The following CYSTM1 variants were observed in gnomAD, a reference collection of about 807,000 sequenced individuals.
CYSTM1 encodes cysteine rich transmembrane module containing 1.
A neutral mutation model predicts 13.1 loss-of-function variants in CYSTM1; 4 were observed. The observed-to-expected ratio is 0.31, with a 90% CI of 0.15 to 0.70. The LOEUF (loss-of-function observed/expected upper bound fraction) is 0.70, where lower values mean the gene tolerates loss of function less well. Ranked by LOEUF, CYSTM1 falls within the 30% of genes least tolerant of loss-of-function variation. The pLI is 0.72. For missense variants in CYSTM1, 96 were observed against 121.6 expected, an observed-to-expected ratio of 0.79 and a Z score of 0.99; for synonymous variants, 36 against 42.7, an observed-to-expected ratio of 0.84 and a Z score of 0.62.
At chr5:140,182,391 A>G (rs1384535293) in intron 1 of CYSTM1, among the ~76,000 whole-genome samples, 1 of 152,168 alleles carries the variant, frequency 6.6e-6, no homozygotes, top group African/African-American at 2.4e-5. Flanking sequence ...CAGAATGAAG[A>G]ATCTAGGAGG....
intron 2 of CYSTM1, among the ~76,000 whole-genome samples, chr5:140,198,913 G>A (rs112001991): frequency 1.3e-5 from 2 of 152,136 alleles, no homozygotes; most frequent in African/African-American, 4.8e-5. Context: ...TGCTGCACCC[G>A]TCATCTACAT....
Position 140,238,838 on chromosome 5 carries a change from C to T in CYSTM1, c.188-4467C>T, listed in dbSNP as rs569074554. Among the ~76,000 whole-genome samples the T allele has an allele frequency of 1.1e-4, 17 of 152,338 alleles. 1 individual carries two copies. The South Asian group carries it at 1.7e-3, about 15-fold the overall frequency. ...CTTCTGTCGGTCTAGATGCCCAATG[C>T]GGGGCAAGGGCAGTTGAGCAGACTA... On this transcript the variant is annotated intron_variant, in intron 2 of 2. Transcript: ENST00000261811.
rs901195519 is a variant in CYSTM1 at position 140,243,592 on chromosome 5, T to G, written c.*181T>G. 2 of 505,430 alleles carry G rather than the reference T, an allele frequency of 4.0e-6. No homozygotes were observed. Among genetic ancestry groups the G allele is most frequent in the Admixed American group, 7.4e-5 (2 of 26,890 alleles). 31.3% of individuals were successfully genotyped at this position (505,430 alleles called of 1,614,324 possible). ...TACTGTTTAATTCAGTGACTTGATCTTTTTAATGTCCAAAATCCATTTCTT... is the reference window on the plus strand; with the variant it reads ...TACTGTTTAATTCAGTGACTTGATCGTTTTAATGTCCAAAATCCATTTCTT... On this transcript the variant is annotated 3_prime_UTR_variant, in exon 3 of 3. Coordinates refer to ENST00000261811, the MANE Select transcript of CYSTM1 (RefSeq NM_032412.4).
chr5:140,198,406 G>A (rs1764180613), intron 2 of CYSTM1, among the ~76,000 whole-genome samples: 1 of 152,238 alleles, frequency 6.6e-6, no homozygotes, highest in African/African-American at 2.4e-5. Flanking sequence ...CTGTCTGGGT[G>A]TAGGCTATCC....
At chr5:140,198,378 C>T (rs950995582) in intron 2 of CYSTM1, among the ~76,000 whole-genome samples, 3 of 152,220 alleles carry the variant, frequency 2.0e-5, no homozygotes, top group African/African-American at 4.8e-5. Flanking sequence ...ACTCTTGTTA[C>T]TTAATTCAGC....
intron 1 of CYSTM1, among the ~76,000 whole-genome samples, chr5:140,180,506 A>T (rs930819769): frequency 2.0e-5 from 3 of 152,226 alleles, no homozygotes; most frequent in Admixed American, 6.5e-5. Flanking sequence ...GCAGTAGTAT[A>T]AAGCAAGGGA....
At chr5:140,180,582 A>C (rs905315266) in intron 1 of CYSTM1, among the ~76,000 whole-genome samples, 5 of 152,222 alleles carry the variant, frequency 3.3e-5, no homozygotes, top group African/African-American at 9.7e-5. Flanking sequence ...GGCACTACAC[A>C]AAGGAGTCTT....
At chr5:140,234,207 A>G (rs938145158) in intron 2 of CYSTM1, among the ~76,000 whole-genome samples, 1 of 152,130 alleles carries the variant, frequency 6.6e-6, no homozygotes, top group Non-Finnish European at 1.5e-5. Flanking sequence ...ATATTTTTCA[A>G]AATGCTTTCT....
chr5:140,184,601 C>T (rs1305827367), intron 1 of CYSTM1, among the ~76,000 whole-genome samples: 1 of 152,156 alleles, frequency 6.6e-6, no homozygotes, highest in Admixed American at 6.5e-5. Context: ...AGGAATGGGA[C>T]ACCAATACCT....
chr5:140,209,454 G>T (rs1764337702), intron 2 of CYSTM1, among the ~76,000 whole-genome samples: 1 of 150,724 alleles, frequency 6.6e-6, no homozygotes, highest in Non-Finnish European at 1.5e-5. Flanking sequence ...TTTTGAGATG[G>T]AGTCTTGCTC....
intron 1 of CYSTM1, among the ~76,000 whole-genome samples, chr5:140,185,463 A>G (rs1471305481): frequency 6.6e-6 from 1 of 152,224 alleles, no homozygotes; most frequent in Non-Finnish European, 1.5e-5. Flanking sequence ...GGCTAATGAT[A>G]TTTGGGAGGT....
intron 2 of CYSTM1, chr5:140,228,588 C>CCCCTAGCT: frequency 2.5e-6 from 1 of 394,376 alleles, no homozygotes; most frequent in Non-Finnish European, 4.5e-6. Context: ...ATCAGCTTGG[C>CCCCTAGCT]CCCTGCCCTG....
intron 2 of CYSTM1, among the ~76,000 whole-genome samples, chr5:140,198,579 A>G (rs1158857664): frequency 6.6e-6 from 1 of 152,262 alleles, no homozygotes; most frequent in Non-Finnish European, 1.5e-5. Flanking sequence ...GGCTAGGCCC[A>G]GAACTGGCAC....
At position 140,184,494 on chromosome 5, in the gene CYSTM1, G is replaced by T. The variant is rs200934703; in HGVS notation, c.-21+9209G>T. On this transcript the variant is annotated intron_variant, in intron 1 of 2. Transcript: ENST00000261811. ...ATAGGGTGTTTTTATGTATTTATTT[G>T]GGGTTTTACTTAAAAATATGTCTTT... 5.0e-4 allele frequency among the ~76,000 whole-genome samples: 76 copies of T among 151,218 alleles called. No individual in the cohort carries two copies. In the East Asian group the frequency reaches 0.015, roughly 29 times the overall value.
intron 2 of CYSTM1, among the ~76,000 whole-genome samples, chr5:140,209,226 G>A (rs1764334061): frequency 6.6e-6 from 1 of 151,638 alleles, no homozygotes; most frequent in Non-Finnish European, 1.5e-5. Context: ...TTAAACTCTG[G>A]GCTTGATTTT....
intron 2 of CYSTM1, among the ~76,000 whole-genome samples, chr5:140,237,060 C>T (rs1316832499): frequency 7.9e-5 from 12 of 152,104 alleles, no homozygotes; most frequent in Non-Finnish European, 1.5e-5. Flanking sequence ...TCCTCAGCAG[C>T]CACTCCTTCT....
At chr5:140,220,130 C>G (rs147934247) in intron 2 of CYSTM1, among the ~76,000 whole-genome samples, 12 of 152,328 alleles carry the variant, frequency 7.9e-5, no homozygotes, top group African/African-American at 2.9e-4. Context: ...TTCACTCTTA[C>G]CTTTTCTCTC....
intron 1 of CYSTM1, among the ~76,000 whole-genome samples, 166 bp from the exon 2 acceptor site, chr5:140,194,280 C>G (rs1393922148): frequency 2.0e-5 from 3 of 151,970 alleles, no homozygotes; most frequent in Non-Finnish European, 2.9e-5. Flanking sequence ...AGATAATTGC[C>G]AATTATAGTG....
intron 2 of CYSTM1, among the ~76,000 whole-genome samples, chr5:140,235,881 G>C (rs909728871): frequency 3.9e-5 from 6 of 152,152 alleles, no homozygotes; most frequent in African/African-American, 1.4e-4. Context: ...CTGAGGAACT[G>C]CTTATGCACT....
Sources: allele counts gnomAD v4.1 joint callset (sites outside exome capture counted in the v4.1 genomes callset), GRCh38; gene constraint gnomAD v4.1.1; transcripts MANE v1.5; gene names NCBI Gene and HGNC (gene_info 2026-07-23, HGNC 2026-07-21).